The following TACC2 variants were observed in gnomAD, a reference collection of about 807,000 sequenced individuals.
TACC2 encodes transforming acidic coiled-coil containing protein 2.
In TACC2, 137 loss-of-function variants were observed where a neutral mutation model predicts 227.3. The observed-to-expected ratio is 0.60, with a 90% confidence interval of 0.52 to 0.69. The LOEUF (loss-of-function observed/expected upper bound fraction) is 0.69, where lower values mean the gene tolerates loss of function less well. Ranked by LOEUF, TACC2 falls within the 30% of genes least tolerant of loss-of-function variation. The probability of loss-of-function intolerance (pLI) is 0.00; values close to 1 mark genes in which losing one functional copy is unlikely to be tolerated. For missense variants in TACC2, 3,470 were observed against 3,694.4 expected (o/e 0.94, Z 1.57); for synonymous variants, 1,523 against 1,487.5 (o/e 1.02, Z -0.55).
chr10:122,251,452 T>A (rs1213640281), intron 22 of TACC2, among the ~76,000 whole-genome samples: 1 of 152,214 alleles, frequency 6.6e-6, no homozygotes, highest in Non-Finnish European at 1.5e-5. Context: ...GTTTTAGTGT[T>A]GAGTGTGCAT....
At chr10:122,186,588 A>G (rs557613341) in intron 7 of TACC2, among the ~76,000 whole-genome samples, 1 of 152,032 alleles carries the variant, frequency 6.6e-6, no homozygotes, top group African/African-American at 2.4e-5. Context: ...ATCTCTGCTC[A>G]CTGCAACCTC....
chr10:122,086,036 A>AT lies in TACC2; in HGVS notation c.3536_3537insT (p.Glu1179AspfsTer6). On this transcript the variant is annotated frameshift_variant, in exon 4 of 23. Coordinates refer to ENST00000369005, the MANE Select transcript of TACC2 (RefSeq NM_206862.4). LOFTEE classifies it high-confidence loss of function. Reference sequence around the variant, plus strand: ...GAAGCTTCTACCTCTGCCCTACGTGAGTCCTGCCAAGCTGAGCACCCCATG... The same window carrying AT: ...GAAGCTTCTACCTCTGCCCTACGTGATGTCCTGCCAAGCTGAGCACCCCATG... 1 of 1,613,854 alleles carries AT rather than the reference A, an allele frequency of 6.2e-7. No individual in the cohort carries two copies. The highest frequency in any genetic ancestry group is 8.5e-7 in the Non-Finnish European group (1 of 1,180,012).
chr10:122,065,159 T>TCC (rs1165851216), intron 3 of TACC2, among the ~76,000 whole-genome samples: 1 of 152,188 alleles, frequency 6.6e-6, no homozygotes, highest in African/African-American at 2.4e-5. Flanking sequence ...AGTGTACAGT[T>TCC]CAGTAGTATT....
chr10:122,050,470 G>A lies in TACC2; in HGVS notation c.66G>A (p.Ala22=), dbSNP rs745896242. The A allele has an allele frequency of 5.0e-6, 8 of 1,613,766 alleles. No individual in the cohort carries two copies. The highest frequency in any genetic ancestry group is 5.9e-6 in the Non-Finnish European group (7 of 1,180,000). ...TATCAGCTCAGACTCCAAGGTCCGC[G>A]CAGCCACCCGGGAACAGTCAGAATA... is the stretch of plus-strand genomic sequence containing the variant. ...RTLSAQTPRS[A]QPPGNSQNIK... is the part of the protein sequence containing the mutation. The change falls in exon 3 of 23, where the codon GCG becomes GCA. Residue 22 remains alanine, a synonymous_variant. Transcript: ENST00000369005. This position sits in a 1 kb window ranked among gnomAD's most constrained non-coding sequence, Gnocchi z 4.6.
At chr10:122,168,771 G>C (rs1171268361) in intron 7 of TACC2, among the ~76,000 whole-genome samples, 2 of 152,172 alleles carry the variant, frequency 1.3e-5, no homozygotes, top group Non-Finnish European at 2.9e-5. Flanking sequence ...TCCCATCCCT[G>C]TGTTTCTTTC....
At position 122,211,344 on chromosome 10, in the gene TACC2, ACAC is replaced by A; in HGVS notation, c.6921_6923del (p.Pro2308del). The A allele has an allele frequency of 6.2e-7, 1 of 1,613,904 alleles. No individual in the cohort carries two copies. Among genetic ancestry groups the A allele is most frequent in the Non-Finnish European group, 8.5e-7 (1 of 1,179,970 alleles). On this transcript the variant is annotated inframe_deletion, in exon 9 of 23. Coordinates refer to ENST00000369005, the MANE Select transcript of TACC2 (RefSeq NM_206862.4). ...CCTGAGGAGGCCAAAGATGAAAAAG[ACAC>A]CCGAGAAACTTGACAACACTCCTGC...
At position 122,210,299 on chromosome 10, in the gene TACC2, T is replaced by C. The variant is rs748003379; in HGVS notation, c.5972-98T>C. On this transcript the variant is annotated intron_variant, in intron 8 of 22. Coordinates refer to ENST00000369005, the MANE Select transcript of TACC2 (RefSeq NM_206862.4). The surrounding 1 kb of genome is among the most constrained non-coding windows in gnomAD (Gnocchi z 4.6). Reference sequence around the variant, plus strand: ...CGGGGTGGCCTGGGGCCGTGGTTTGTCAACCCCTACGCTGGAGGGTGATGT... The same window carrying C: ...CGGGGTGGCCTGGGGCCGTGGTTTGCCAACCCCTACGCTGGAGGGTGATGT... The C allele has an allele frequency of 3.7e-5, 37 of 1,004,570 alleles. No homozygotes were observed. The highest frequency in any genetic ancestry group is 5.1e-5 in the Non-Finnish European group (33 of 648,662). 62.2% of individuals were successfully genotyped at this position (1,004,570 alleles called of 1,614,324 possible). A position where few individuals can be genotyped will look rare whatever the true frequency, so the allele number is the denominator to read the frequency against.
At position 122,105,625 on chromosome 10, in the gene TACC2, T is replaced by C. The variant is rs532491873; in HGVS notation, c.5573+17034T>C. Among the ~76,000 whole-genome samples the C allele has an allele frequency of 5.3e-3, 254 of 48,316 alleles. 1 individual carries two copies. Among genetic ancestry groups the C allele is most frequent in the Middle Eastern group, 0.018 (2 of 110 alleles). The allele number at this position is 48,316 out of a possible 152,430, so 31.7% of individuals were successfully genotyped here. ...CCACGTAGCGTCCTGTCTTAAACAC[T>C]TTTTTTTTTTTTGAGATGGAGTCTT... On this transcript the variant is annotated intron_variant, in intron 5 of 22. Transcript: ENST00000369005.
intron 7 of TACC2, among the ~76,000 whole-genome samples, chr10:122,152,999 C>CTTTTTTTTTTTTT (rs150943859): frequency 1.4e-4 from 19 of 135,036 alleles, no homozygotes; most frequent in South Asian, 7.1e-4. Flanking sequence ...TTCTTTCTTT[C>CTTTTTTTTTTTTT]TTTTTTTTTT....
Position 122,088,590 on chromosome 10 carries a change from A to T in TACC2, c.5572A>T (p.Ser1858Cys). The T allele has an allele frequency of 6.2e-7, 1 of 1,612,168 alleles. No individual in the cohort carries two copies. Among genetic ancestry groups the T allele is most frequent in the South Asian group, 1.1e-5 (1 of 90,508 alleles). ...DETRGAEGTESSPVADDIIQP... is the reference protein window; with the variant it reads ...DETRGAEGTECSPVADDIIQP... Reference sequence around the variant, plus strand: ...GACCAGAGGTGCGGAAGGAACAGAAAGGTCAGCGAAAGATATTGGTCTTTG... The same window carrying T: ...GACCAGAGGTGCGGAAGGAACAGAATGGTCAGCGAAAGATATTGGTCTTTG... Residue 1858 changes from serine to cysteine, a missense_variant and splice_region_variant, in exon 5 of 23, where the codon AGT (serine) becomes TGT (cysteine). Ser to Cys is a moderately radical substitution (Grantham distance 112). Around this residue, in one of 10 missense-constraint regions of TACC2, gnomAD observed 1,924 missense variants for 1,978.3 expected, o/e 0.97. Transcript: ENST00000369005.
intron 1 of TACC2, among the ~76,000 whole-genome samples, chr10:122,008,620 T>C (rs1955549368): frequency 6.6e-6 from 1 of 151,814 alleles, no homozygotes; most frequent in Non-Finnish European, 1.5e-5. Flanking sequence ...TCACCCAGGC[T>C]GGAGTGCAGT....
chr10:122,214,484 A>AC (rs1423277955), intron 9 of TACC2, among the ~76,000 whole-genome samples: 7 of 151,988 alleles, frequency 4.6e-5, no homozygotes, highest in African/African-American at 7.2e-5. Context: ...GAGAGGGATC[A>AC]CCCCCCAAAG....
At position 122,002,834 on chromosome 10, in the gene TACC2, G is replaced by A. The variant is rs910910254; in HGVS notation, c.-46+13346G>A. Among the ~76,000 whole-genome samples, 8 of 152,182 alleles carry A rather than the reference G, an allele frequency of 5.3e-5. No homozygotes were observed. The East Asian group carries it at 1.5e-3, about 29-fold the overall frequency. Reference sequence around the variant, plus strand: ...ATGGTTATTTCCCTCTTGTAATTTTGTGTGTTTGTGCTTTCTCCCTTTTTC... The same window carrying A: ...ATGGTTATTTCCCTCTTGTAATTTTATGTGTTTGTGCTTTCTCCCTTTTTC... On this transcript the variant is annotated intron_variant, in intron 1 of 22. Transcript: ENST00000369005.
At chr10:122,170,849 C>T (rs1267725702) in intron 7 of TACC2, among the ~76,000 whole-genome samples, 1 of 152,190 alleles carries the variant, frequency 6.6e-6, no homozygotes, top group East Asian at 1.9e-4. Context: ...GCCTCAGAGA[C>T]TTAGCACACT....
chr10:122,103,843 T>C (rs1413484955), intron 5 of TACC2, among the ~76,000 whole-genome samples: 2 of 152,164 alleles, frequency 1.3e-5, no homozygotes, highest in African/African-American at 4.8e-5. Context: ...GTCAACCTAG[T>C]GGAGGCCCAG....
At chr10:122,041,459 C>G (rs2459078) in intron 2 of TACC2, among the ~76,000 whole-genome samples, 1 of 144,952 alleles carries the variant, frequency 6.9e-6, no homozygotes, top group Admixed American at 6.8e-5. Context: ...TTTTTTTTCT[C>G]GTAACGAGAC....
intron 16 of TACC2, among the ~76,000 whole-genome samples, chr10:122,233,544 G>A (rs576087590): frequency 1.3e-5 from 2 of 152,344 alleles, no homozygotes; most frequent in South Asian, 4.1e-4. Flanking sequence ...AAGAGAAGGA[G>A]TTGGGGCCAC....
chr10:122,018,150 G>A (rs2459086), intron 1 of TACC2, among the ~76,000 whole-genome samples: 81,824 of 151,586 alleles, frequency 0.54, 22,594 homozygotes, highest in African/African-American at 0.64. Context: ...AGGCCCTGGT[G>A]TATGTTGTTC....
At chr10:122,198,521 G>A (rs1296219629) in intron 8 of TACC2, among the ~76,000 whole-genome samples, 1 of 152,224 alleles carries the variant, frequency 6.6e-6, no homozygotes, top group Admixed American at 6.5e-5. Flanking sequence ...CCTTGTCAGG[G>A]CTATGCTAGG....
Sources: gnomAD v4.1 joint callset for allele counts (sites outside exome capture counted in the v4.1 genomes callset) on GRCh38, gnomAD v4.1.1 for gene constraint, gnomAD v4.1.1 regional missense constraint, Gnocchi (gnomAD v3.1) non-coding constraint, MANE v1.5 for transcripts, NCBI Gene and HGNC (gene_info 2026-07-23, HGNC 2026-07-21) for gene names.